Variants in TTLL11 observed in about 807,000 individuals in gnomAD.
The protein encoded by TTLL11 is tubulin polyglutamylase TTLL11.
Under a neutral mutation model 51.7 loss-of-function variants are expected in TTLL11, and 42 were observed. That is an observed-to-expected ratio of 0.81 (90% CI 0.64 to 1.05). The LOEUF (loss-of-function observed/expected upper bound fraction) is 1.05, where lower values mean the gene tolerates loss of function less well. TTLL11 is among the 50% of genes least tolerant of loss of function. The probability of loss-of-function intolerance (pLI) is 0.00; values close to 1 mark genes in which losing one functional copy is unlikely to be tolerated. For synonymous variants in TTLL11, 381 were observed against 383.5 expected (o/e 0.99, Z 0.08); for missense variants, 799 against 940.4 (o/e 0.85, Z 1.97).
At chr9:121,826,469 ATATATATATATGTATATATATATATGTGT>A (rs1836779993) in intron 8 of TTLL11, among the ~76,000 whole-genome samples, 1 of 27,120 alleles carries the variant, frequency 3.7e-5, no homozygotes, top group Non-Finnish European at 1.1e-4. Context: ...ATATGTGTGT[ATATATATATATGTATATATATATATGTGT>A]GTGTATATAT....
intron 1 of TTLL11, among the ~76,000 whole-genome samples, chr9:122,041,448 T>C (rs922814938): frequency 2.0e-5 from 3 of 152,222 alleles, no homozygotes; most frequent in Non-Finnish European, 2.9e-5. Flanking sequence ...GAGAAAGATA[T>C]AGAAGGTGTC....
intron 6 of TTLL11, among the ~76,000 whole-genome samples, chr9:121,955,685 A>C (rs1367910690): frequency 1.3e-5 from 2 of 152,194 alleles, no homozygotes; most frequent in African/African-American, 4.8e-5. Flanking sequence ...ACAAGGCTAC[A>C]TCCTCATTTA....
chr9:121,939,433 G>A (rs530126730), intron 6 of TTLL11, among the ~76,000 whole-genome samples: 30 of 152,040 alleles, frequency 2.0e-4, no homozygotes, highest in African/African-American at 3.6e-4. Context: ...AAATGATGTC[G>A]TATCATTTAT....
intron 4 of TTLL11, among the ~76,000 whole-genome samples, chr9:121,985,609 C>T (rs577853112): frequency 1.2e-3 from 187 of 150,724 alleles, no homozygotes; most frequent in South Asian, 2.8e-3. Context: ...CTCCGCCTCC[C>T]GGGTTCACAC....
chr9:121,989,269 C>A lies in TTLL11; in HGVS notation c.1195G>T (p.Ala399Ser), dbSNP rs757013342. The part of the protein sequence containing the change: ...IISVVIKTVI[A>S]LTPELKVFYQ... ...AAGACTTTGAGCTCTGGAGTCAGCG[C>A]GATGACCGTCTTAATCACCACGGAG... The change falls in exon 4 of 9, where the codon GCG becomes TCG. Residue 399 changes from alanine (A) to serine (S), a missense_variant. Physicochemically the swap from Ala to Ser is moderately conservative, Grantham distance 99. This residue lies in a region of TTLL11 where 468 missense variants were observed against 612.8 expected (regional missense o/e 0.76). Transcript: ENST00000321582. This position sits in a 1 kb window ranked among gnomAD's most constrained non-coding sequence, Gnocchi z 4.2. 6.2e-7 allele frequency: 1 copy of A among 1,614,034 alleles called. No individual in the cohort carries two copies.
intron 8 of TTLL11, among the ~76,000 whole-genome samples, chr9:121,845,656 G>C (rs535648074): frequency 1.3e-5 from 2 of 152,120 alleles, no homozygotes; most frequent in African/African-American, 4.8e-5. Flanking sequence ...GAAGTTCTCT[G>C]TTATAAAGTA....
intron 2 of TTLL11, among the ~76,000 whole-genome samples, chr9:122,032,321 C>T (rs1216684574): frequency 6.6e-6 from 1 of 152,112 alleles, no homozygotes; most frequent in Non-Finnish European, 1.5e-5. Flanking sequence ...ACTTCTTTTA[C>T]TGTTTCATGA....
intron 1 of TTLL11, 81 bp from the exon 2 acceptor site, chr9:122,039,449 G>T (rs1006230471): frequency 9.1e-7 from 1 of 1,099,548 alleles, no homozygotes. Context: ...ACAAATTCCT[G>T]GCACCCTGGT....
At chr9:121,895,741 C>A (rs1839469776) in intron 6 of TTLL11, among the ~76,000 whole-genome samples, 1 of 102 alleles carries the variant, frequency 9.8e-3, no homozygotes, top group Non-Finnish European at 0.025. Context: ...CTGTGTGCGT[C>A]CGTGTGGTTG....
intron 8 of TTLL11, among the ~76,000 whole-genome samples, chr9:121,839,304 G>C (rs1248316691): frequency 6.6e-6 from 1 of 152,220 alleles, no homozygotes; most frequent in Non-Finnish European, 1.5e-5. Context: ...CCCAGTGCCT[G>C]GCGTGTAGGG....
At chr9:122,034,926 C>G (rs985416396) in intron 2 of TTLL11, among the ~76,000 whole-genome samples, 7 of 152,210 alleles carry the variant, frequency 4.6e-5, no homozygotes, top group African/African-American at 1.4e-4. Context: ...GATCGAAGCT[C>G]TAGGTCTAAC....
At chr9:122,000,962 T>C (rs536826871) in intron 3 of TTLL11, among the ~76,000 whole-genome samples, 1 of 152,364 alleles carries the variant, frequency 6.6e-6, no homozygotes, top group African/African-American at 2.4e-5. Flanking sequence ...TAAGGTGCCT[T>C]ACAATAGTTA....
At position 121,995,862 on chromosome 9, in the gene TTLL11, G is replaced by A. The variant is rs530749547; in HGVS notation, c.694-6092C>T. ...GACTCAGACTCTAAACTCAGATGGC[G>A]CATACCTCGAACTGGAGCACAGGTA... On this transcript the variant is annotated intron_variant, in intron 3 of 8. Transcript: ENST00000321582. This position sits in a 1 kb window ranked among gnomAD's most constrained non-coding sequence, Gnocchi z 4.4. Among the ~76,000 whole-genome samples, 22 of 152,292 alleles carry A rather than the reference G, an allele frequency of 1.4e-4. No individual in the cohort carries two copies. Among genetic ancestry groups the A allele is most frequent in the African/African-American group, 2.6e-4 (11 of 41,558 alleles).
chr9:122,051,755 C>A (rs1000732203), intron 1 of TTLL11, among the ~76,000 whole-genome samples: 4 of 152,140 alleles, frequency 2.6e-5, no homozygotes, highest in Non-Finnish European at 2.9e-5. Flanking sequence ...TCTCTGGATC[C>A]TCTGAGTAAT....
intron 3 of TTLL11, among the ~76,000 whole-genome samples, chr9:122,023,257 T>A (rs910759411): frequency 4.6e-5 from 7 of 151,908 alleles, no homozygotes. Flanking sequence ...CAAGAAGAAA[T>A]AGATAATATG....
intron 6 of TTLL11, among the ~76,000 whole-genome samples, chr9:121,953,748 A>G (rs1454569207): frequency 6.6e-6 from 1 of 152,114 alleles, no homozygotes; most frequent in East Asian, 1.9e-4. Flanking sequence ...TCCACAAAAA[A>G]GTAAGCAAAG....
At chr9:121,992,772 G>T (rs1843150919) in intron 3 of TTLL11, among the ~76,000 whole-genome samples, 2 of 152,296 alleles carry the variant, frequency 1.3e-5, no homozygotes, top group South Asian at 4.1e-4. Flanking sequence ...CACTCCGCGG[G>T]CCTACTGAAA....
At chr9:121,885,673 C>CT (rs1413012363) in intron 6 of TTLL11, 1 of 152,236 alleles carries the variant, frequency 6.6e-6, no homozygotes. Context: ...ACTTAGAACT[C>CT]TGACTCTGAA....
At chr9:122,092,558 A>T in intron 1 of TTLL11, 129 bp downstream of exon 1, 1 of 1,444,980 alleles carries the variant, frequency 6.9e-7, no homozygotes, top group Non-Finnish European at 9.1e-7. Flanking sequence ...GCTGACAAGC[A>T]GGCCCGAGCG....
Sources: gnomAD v4.1 joint callset for allele counts (sites outside exome capture counted in the v4.1 genomes callset) on GRCh38, gnomAD v4.1.1 for gene constraint, gnomAD v4.1.1 regional missense constraint, Gnocchi (gnomAD v3.1) non-coding constraint, MANE v1.5 for transcripts, NCBI Gene and HGNC (gene_info 2026-07-23, HGNC 2026-07-21) for gene names.